KLHL24: variants seen among roughly 807,000 people sequenced by gnomAD.
KLHL24 encodes kelch-like protein 24.
A neutral mutation model predicts 53.4 loss-of-function variants in KLHL24; 29 were observed. The observed-to-expected ratio is 0.54, with a 90% CI of 0.40 to 0.74. KLHL24 has a LOEUF of 0.74. Ranked by LOEUF, KLHL24 falls within the 30% of genes least tolerant of loss-of-function variation. The pLI, the probability that KLHL24 is intolerant of heterozygous loss-of-function variation, is 0.00. For missense variants in KLHL24, 504 were observed against 744.0 expected, an observed-to-expected ratio of 0.68 and a Z score of 3.75; for synonymous variants, 222 against 253.7, an observed-to-expected ratio of 0.88 and a Z score of 1.19.
At chr3:183,646,156 G>C (rs1576892299) in intron 2 of KLHL24, among the ~76,000 whole-genome samples, 2 of 150,712 alleles carry the variant, frequency 1.3e-5, no homozygotes, top group East Asian at 3.9e-4. Context: ...CTTGAGGTCA[G>C]TTCAAGACCA....
chr3:183,636,921 C>T lies in KLHL24; in HGVS notation c.-125+1128C>T, dbSNP rs550540631. Among the ~76,000 whole-genome samples the T allele has an allele frequency of 6.6e-5, 10 of 152,220 alleles. No homozygotes were observed. The East Asian group carries it at 1.9e-3, about 29-fold the overall frequency. ...CTGATCCTGCAGGCAGTTCTGGGCACGCAGAGATCGGCTACCGTGGCCTGC... is the reference window on the plus strand; with the variant it reads ...CTGATCCTGCAGGCAGTTCTGGGCATGCAGAGATCGGCTACCGTGGCCTGC... On this transcript the variant is annotated intron_variant, in intron 1 of 7. Transcript: ENST00000242810.
intron 3 of KLHL24, among the ~76,000 whole-genome samples, chr3:183,658,211 T>A (rs1401631981): frequency 7.8e-4 from 63 of 81,100 alleles, no homozygotes; most frequent in African/African-American, 5.3e-3. Context: ...AGACTCTGTC[T>A]CAAAAAAAAA....
At chr3:183,649,696 G>A (rs1367697673) in intron 2 of KLHL24, among the ~76,000 whole-genome samples, 3 of 151,336 alleles carry the variant, frequency 2.0e-5, no homozygotes, top group African/African-American at 4.9e-5. Flanking sequence ...TGAGAGGATC[G>A]CTTGAGGCCA....
chr3:183,665,056 T>C lies in KLHL24; in HGVS notation c.1224+17T>C. On this transcript the variant is annotated intron_variant, in intron 5 of 7. Coordinates refer to ENST00000242810, the MANE Select transcript of KLHL24 (RefSeq NM_017644.3). ...CTTGGTAAAGTAAGAGAAACCACTT[T>C]TTATTACTATTGCTGGTACCTTTCC... 2 of 1,246,936 alleles carry C rather than the reference T, an allele frequency of 1.6e-6. No homozygotes were observed. Among genetic ancestry groups the C allele is most frequent in the Non-Finnish European group, 2.4e-6 (2 of 847,742 alleles). 77.2% of individuals were successfully genotyped at this position (1,246,936 alleles called of 1,614,324 possible).
intron 7 of KLHL24, among the ~76,000 whole-genome samples, chr3:183,674,573 G>A (rs1711532093): frequency 6.6e-6 from 1 of 151,896 alleles, no homozygotes; most frequent in Non-Finnish European, 1.5e-5. Flanking sequence ...TGTTGACCAG[G>A]CTGGTCTCAA....
At chr3:183,666,930 G>T (rs551220381) in intron 5 of KLHL24, among the ~76,000 whole-genome samples, 1 of 151,990 alleles carries the variant, frequency 6.6e-6, no homozygotes. Context: ...ACTTGCTTTC[G>T]CATATGTCTT....
intron 3 of KLHL24, among the ~76,000 whole-genome samples, chr3:183,652,688 T>C (rs992478430): frequency 5.3e-5 from 8 of 152,240 alleles, no homozygotes; most frequent in Non-Finnish European, 7.3e-5. Context: ...TACTGTGAGA[T>C]AGCTTGTTTT....
chr3:183,637,992 C>T (rs1715637136), intron 1 of KLHL24, among the ~76,000 whole-genome samples: 1 of 152,144 alleles, frequency 6.6e-6, no homozygotes, highest in Non-Finnish European at 1.5e-5. Flanking sequence ...GAAGTTTGAG[C>T]TCCCCTGGAT....
At position 183,662,839 on chromosome 3, in the gene KLHL24, T is replaced by G. The variant is rs1022411960; in HGVS notation, c.921-619T>G. On this transcript the variant is annotated intron_variant, in intron 3 of 7. Coordinates refer to ENST00000242810, the MANE Select transcript of KLHL24 (RefSeq NM_017644.3). ...TTTAGATAGTATTGAATATGCCTAATGTACAGTTTTTCATCTTGCTTTTCT... is the reference window on the plus strand; with the variant it reads ...TTTAGATAGTATTGAATATGCCTAAGGTACAGTTTTTCATCTTGCTTTTCT... Among the ~76,000 whole-genome samples, 5 of 152,338 alleles carry G rather than the reference T, an allele frequency of 3.3e-5. No homozygotes were observed. The East Asian group carries it at 7.7e-4, about 23-fold the overall frequency.
rs1273691549 is a variant in KLHL24, at chr3:183,682,988, C to T, written c.*3702C>T. ...GGAGAACGGGGTCTTGCTCTGTCGC[C>T]CAGGCTGGAGTGCAGTGGCGCGATC... On this transcript the variant is annotated 3_prime_UTR_variant, in exon 8 of 8. Coordinates refer to ENST00000242810, the MANE Select transcript of KLHL24 (RefSeq NM_017644.3). 3 of 151,274 alleles carry T rather than the reference C, an allele frequency of 2.0e-5. No homozygotes were observed. Among genetic ancestry groups the T allele is most frequent in the African/African-American group, 4.9e-5 (2 of 40,964 alleles). The allele number at this position is 151,274 out of a possible 1,614,324, so 9.4% of individuals were successfully genotyped here. A position where few individuals can be genotyped will look rare whatever the true frequency, so the allele number is the denominator to read the frequency against.
intron 5 of KLHL24, among the ~76,000 whole-genome samples, chr3:183,668,702 C>G (rs1390360281): frequency 6.6e-6 from 1 of 152,100 alleles, no homozygotes; most frequent in Non-Finnish European, 1.5e-5. Flanking sequence ...GTCAGGAGTT[C>G]AAGACCAGCC....
rs1712462655 is a variant in KLHL24 at position 183,679,479 on chromosome 3, C to CT, written c.*199dup. The CT allele has an allele frequency of 1.8e-6, 1 of 547,956 alleles. No individual in the cohort carries two copies. The highest frequency in any genetic ancestry group is 1.9e-5 in the African/African-American group (1 of 52,796). 33.9% of individuals were successfully genotyped at this position (547,956 alleles called of 1,614,324 possible). ...CCTTTCCTATAATTGAAAAAAAAAA[C>CT]TTTTTTGTTAAAGGTAATGGTGGTT... On this transcript the variant is annotated 3_prime_UTR_variant, in exon 8 of 8. Coordinates refer to ENST00000242810, the MANE Select transcript of KLHL24 (RefSeq NM_017644.3).
intron 7 of KLHL24, among the ~76,000 whole-genome samples, chr3:183,674,483 C>T (rs1711522973): frequency 6.6e-6 from 1 of 152,068 alleles, no homozygotes; most frequent in Admixed American, 6.6e-5. Context: ...GCCTCAGCCT[C>T]CCGAGTAGCT....
chr3:183,654,493 T>C (rs9290765), intron 3 of KLHL24, among the ~76,000 whole-genome samples: 50,836 of 151,848 alleles, frequency 0.33, 9,365 homozygotes, highest in African/African-American at 0.49. Context: ...ATTGCATGTA[T>C]ATATTTCTTT....
intron 7 of KLHL24, 46 bp from the exon 8 acceptor site, chr3:183,679,040 T>G: frequency 2.0e-6 from 3 of 1,475,176 alleles, no homozygotes; most frequent in Non-Finnish European, 2.8e-6. Flanking sequence ...TACCAAATCC[T>G]TTATCTTCAA....
intron 7 of KLHL24, chr3:183,673,043 ATAAAAT>A (rs1721568190): frequency 6.6e-6 from 1 of 151,468 alleles, no homozygotes; most frequent in Non-Finnish European, 1.5e-5. Context: ...ATAAAACAAA[ATAAAAT>A]AAAAAATTAG....
rs376588039 is a variant in KLHL24, at chr3:183,667,439, G to A, written c.1224+2400G>A. On this transcript the variant is annotated intron_variant, in intron 5 of 7. Coordinates refer to ENST00000242810, the MANE Select transcript of KLHL24 (RefSeq NM_017644.3). ...GAGCAGCCACTGAGCGAGCTTTACC[G>A]CCTCAACTCCACCTCCTGTCAGATC... 4.0e-4 allele frequency among the ~76,000 whole-genome samples: 61 copies of A among 152,218 alleles called. 1 individual carries two copies. The highest frequency in any genetic ancestry group is 8.9e-4 in the African/African-American group (37 of 41,534).
chr3:183,671,306 C>A, intron 6 of KLHL24, 84 bp downstream of exon 6: 2 of 1,235,988 alleles, frequency 1.6e-6, no homozygotes, highest in Non-Finnish European at 1.1e-6. Context: ...GTAGCCAGGT[C>A]ACATAGTGTG....
intron 7 of KLHL24, among the ~76,000 whole-genome samples, chr3:183,674,269 TTC>T (rs1157154055): frequency 6.7e-6 from 1 of 150,306 alleles, no homozygotes; most frequent in African/African-American, 2.5e-5. Context: ...CTTTCTTTCT[TTC>T]TTTCTTTCTT....
Sources: allele counts gnomAD v4.1 joint callset (sites outside exome capture counted in the v4.1 genomes callset), GRCh38; gene constraint gnomAD v4.1.1; transcripts MANE v1.5; gene names NCBI Gene and HGNC (gene_info 2026-07-23, HGNC 2026-07-21).